Variants in SAMSN1 observed in about 807,000 individuals in gnomAD.
SAMSN1 encodes the protein SAM domain-containing protein SAMSN-1.
In SAMSN1, 31 loss-of-function variants were observed where a neutral mutation model predicts 42.0. The observed-to-expected ratio is 0.74, with a 90% CI of 0.55 to 1.00. SAMSN1 has a LOEUF of 1.00. Among genes scored for constraint, SAMSN1 ranks in the 50% least tolerant of loss-of-function variants. SAMSN1 has a pLI of 0.00. For missense variants in SAMSN1, 464 were observed against 439.4 expected (o/e 1.06, Z -0.50); for synonymous variants, 178 against 151.9 (o/e 1.17, Z -1.26).
intron 2 of SAMSN1, among the ~76,000 whole-genome samples, chr21:14,562,714 A>G (rs1980985077): frequency 6.6e-6 from 1 of 152,050 alleles, no homozygotes; most frequent in Non-Finnish European, 1.5e-5. Flanking sequence ...TCTTTATCCT[A>G]ATTGGAAAAA....
chr21:14,599,975 T>G (rs561996810), intron 6 of SAMSN1, among the ~76,000 whole-genome samples: 59 of 152,262 alleles, frequency 3.9e-4, no homozygotes, highest in African/African-American at 1.3e-3. Flanking sequence ...TACTGAATAT[T>G]GTCACATAAA....
chr21:14,582,138 A>G (rs1180003655), exon 2 of SAMSN1: 1 of 1,541,898 alleles, frequency 6.5e-7, no homozygotes, highest in Admixed American at 2.0e-5. Context: ...AAACTTACCC[A>G]TGAATGTAGG....
intron 2 of SAMSN1, among the ~76,000 whole-genome samples, chr21:14,520,287 T>G (rs941707214): frequency 2.0e-5 from 3 of 152,212 alleles, no homozygotes; most frequent in Admixed American, 2.0e-4. Flanking sequence ...AGCAGCTGTA[T>G]GCTCTCCTTA....
chr21:14,632,246 C>T (rs977604384), intron 2 of SAMSN1, among the ~76,000 whole-genome samples: 3 of 151,954 alleles, frequency 2.0e-5, no homozygotes, highest in Non-Finnish European at 2.9e-5. Flanking sequence ...TGTGCCTTCT[C>T]GGTGTAATCC....
At chr21:14,582,240 C>G (rs1292800774) in exon 2 of SAMSN1, 1 of 1,550,776 alleles carries the variant, frequency 6.4e-7, no homozygotes, top group African/African-American at 1.4e-5. Flanking sequence ...ATTTGGAAAT[C>G]AAGACATGTC....
intron 1 of SAMSN1, among the ~76,000 whole-genome samples, chr21:14,532,332 A>C (rs1979320451): frequency 6.6e-6 from 1 of 152,228 alleles, no homozygotes; most frequent in African/African-American, 2.4e-5. Context: ...TAGGAATTTA[A>C]ACACTTTTTT....
At chr21:14,646,336 C>A (rs535937347) in intron 1 of SAMSN1, among the ~76,000 whole-genome samples, 1 of 152,138 alleles carries the variant, frequency 6.6e-6, no homozygotes, top group Non-Finnish European at 1.5e-5. Flanking sequence ...TCAGTGGAAA[C>A]CTTACAGGCC....
chr21:14,571,259 T>A (rs1021983616), intron 2 of SAMSN1, among the ~76,000 whole-genome samples: 5 of 152,224 alleles, frequency 3.3e-5, no homozygotes, highest in African/African-American at 1.2e-4. Flanking sequence ...ATGATGTAAA[T>A]ACTCAAAACA....
chr21:14,548,223 C>T (rs1568803889), upstream of SAMSN1, among the ~76,000 whole-genome samples: 1 of 152,086 alleles, frequency 6.6e-6, no homozygotes. Context: ...AATGCTTGCA[C>T]TTAGTACATG....
intron 6 of SAMSN1, among the ~76,000 whole-genome samples, chr21:14,598,978 C>T (rs1275444878): frequency 6.6e-6 from 1 of 152,060 alleles, no homozygotes; most frequent in Non-Finnish European, 1.5e-5. Context: ...TAATAGGGAA[C>T]AAAAATAAAC....
intron 7 of SAMSN1, among the ~76,000 whole-genome samples, chr21:14,491,177 T>C (rs953707292): frequency 6.6e-6 from 1 of 152,176 alleles, no homozygotes; most frequent in African/African-American, 2.4e-5. Context: ...TAAGAACACA[T>C]TACCCCAAAA....
At chr21:14,518,921 A>G (rs1988035541) in intron 2 of SAMSN1, among the ~76,000 whole-genome samples, 1 of 152,172 alleles carries the variant, frequency 6.6e-6, no homozygotes, top group South Asian at 2.1e-4. Flanking sequence ...GCTAACATAA[A>G]TAAGAAATGT....
intron 2 of SAMSN1, among the ~76,000 whole-genome samples, chr21:14,616,754 TG>T (rs1470353645): frequency 6.6e-6 from 1 of 152,168 alleles, no homozygotes; most frequent in Non-Finnish European, 1.5e-5. Context: ...TTGTTTGGCA[TG>T]GTAGGAATTT....
chr21:14,629,740 A>G (rs1568836999), intron 2 of SAMSN1, among the ~76,000 whole-genome samples: 1 of 152,162 alleles, frequency 6.6e-6, no homozygotes, highest in Non-Finnish European at 1.5e-5. Flanking sequence ...TTTGTCTACT[A>G]GTGTGCGAAG....
chr21:14,598,917 C>T lies in SAMSN1; in HGVS notation c.399+3106G>A, dbSNP rs571700563. Among the ~76,000 whole-genome samples the T allele has an allele frequency of 7.8e-4, 119 of 152,128 alleles. 1 individual carries two copies. Among genetic ancestry groups the T allele is most frequent in the Non-Finnish European group, 1.5e-3 (100 of 68,028 alleles). ...ATACTATTCATTATTTTAACTCTTT[C>T]TATTTATACATAGTTTTAAGAAATT... On this transcript the variant is annotated intron_variant, in intron 6 of 15. Transcript: ENST00000647101.
Position 14,490,756 on chromosome 21 carries a change from T to G in SAMSN1, c.920-4642A>C, listed in dbSNP as rs376493466. ...GTTCCCCTGAGGCCATGAGAAGATA[T>G]GGAGTTGAAATGACTTCCCCTCCTC... is the stretch of plus-strand genomic sequence containing the variant. On this transcript the variant is annotated intron_variant, in intron 7 of 7. Coordinates refer to ENST00000400566, the MANE Select transcript of SAMSN1 (RefSeq NM_022136.5). 1.6e-3 allele frequency among the ~76,000 whole-genome samples: 239 copies of G among 152,320 alleles called. 3 individuals are homozygous for G. In the South Asian group the frequency reaches 0.02, roughly 13 times the overall value.
At chr21:14,544,294 A>G (rs1050397185) in intron 1 of SAMSN1, among the ~76,000 whole-genome samples, 5 of 152,154 alleles carry the variant, frequency 3.3e-5, no homozygotes, top group Non-Finnish European at 5.9e-5. Context: ...CAAGTGATTT[A>G]CGCACCTCGG....
At chr21:14,600,433 T>C (rs997264160) in intron 6 of SAMSN1, among the ~76,000 whole-genome samples, 4 of 152,206 alleles carry the variant, frequency 2.6e-5, no homozygotes, top group African/African-American at 7.2e-5. Context: ...CGACGATTTT[T>C]AGATTAGATG....
chr21:14,613,245 TAC>T (rs1192357452), intron 3 of SAMSN1, among the ~76,000 whole-genome samples: 1 of 152,190 alleles, frequency 6.6e-6, no homozygotes, highest in Non-Finnish European at 1.5e-5. Flanking sequence ...TGTCAATAAA[TAC>T]AGAAAGAATG....
Sources: gnomAD v4.1 joint callset for allele counts (sites outside exome capture counted in the v4.1 genomes callset) on GRCh38, gnomAD v4.1.1 for gene constraint, MANE v1.5 for transcripts, NCBI Gene and HGNC (gene_info 2026-07-23, HGNC 2026-07-21) for gene names.